The following GRAMD2B variants were observed in gnomAD, a reference collection of about 807,000 sequenced individuals.
GRAMD2B encodes the protein GRAM domain-containing protein 2B.
Under a neutral mutation model 59.2 loss-of-function variants are expected in GRAMD2B, and 41 were observed. That is an observed-to-expected ratio of 0.69 (90% CI 0.54 to 0.90). The LOEUF (loss-of-function observed/expected upper bound fraction) is 0.90, where lower values mean the gene tolerates loss of function less well. GRAMD2B is among the 40% of genes least tolerant of loss of function. GRAMD2B has a pLI of 0.00. For missense variants in GRAMD2B, 424 were observed against 500.5 expected, an observed-to-expected ratio of 0.85 and a Z score of 1.46; for synonymous variants, 161 against 182.7, an observed-to-expected ratio of 0.88 and a Z score of 0.96.
intron 1 of GRAMD2B, among the ~76,000 whole-genome samples, chr5:126,437,938 T>C (rs1397484782): frequency 1.3e-5 from 2 of 152,098 alleles, no homozygotes; most frequent in East Asian, 3.9e-4. Flanking sequence ...ACATAATCCC[T>C]CACTGTCAGT....
chr5:126,376,666 G>A (rs945325283), intron 1 of GRAMD2B, among the ~76,000 whole-genome samples: 1 of 152,218 alleles, frequency 6.6e-6, no homozygotes, highest in African/African-American at 2.4e-5. Flanking sequence ...AGACTGCTAT[G>A]TAGAGGCTGG....
intron 1 of GRAMD2B, among the ~76,000 whole-genome samples, chr5:126,406,512 C>T (rs1465361598): frequency 6.6e-6 from 1 of 151,816 alleles, no homozygotes; most frequent in African/African-American, 2.4e-5. Context: ...CCTAAAAGTC[C>T]TCTACCCCCT....
chr5:126,411,727 A>G (rs1327082562), intron 1 of GRAMD2B, among the ~76,000 whole-genome samples: 1 of 152,024 alleles, frequency 6.6e-6, no homozygotes. Flanking sequence ...GATTTTTCCA[A>G]TCCATGAACA....
chr5:126,478,185 C>T (rs1771017164), intron 6 of GRAMD2B, among the ~76,000 whole-genome samples: 1 of 148,564 alleles, frequency 6.7e-6, no homozygotes, highest in South Asian at 2.1e-4. Flanking sequence ...AATTCCAGCA[C>T]TTTGGGAGGC....
chr5:126,364,099 T>C (rs1333825797), intron 1 of GRAMD2B, among the ~76,000 whole-genome samples: 1 of 152,254 alleles, frequency 6.6e-6, no homozygotes, highest in South Asian at 2.1e-4. Flanking sequence ...ATCCTTATTA[T>C]GTTCAAGGCA....
intron 1 of GRAMD2B, among the ~76,000 whole-genome samples, chr5:126,400,405 G>A (rs1378898800): frequency 1.3e-5 from 2 of 151,978 alleles, no homozygotes; most frequent in African/African-American, 4.8e-5. Context: ...TTAATATCAT[G>A]TATCTATTAA....
At chr5:126,485,031 C>T (rs74437085) in intron 10 of GRAMD2B, among the ~76,000 whole-genome samples, 3,175 of 152,202 alleles carry the variant, frequency 0.021, 108 homozygotes, top group African/African-American at 0.072. Flanking sequence ...AAGTGAATAG[C>T]CTTCATGGAG....
At position 126,434,308 on chromosome 5, in the gene GRAMD2B, A is replaced by AT. The variant is rs546978280; in HGVS notation, c.83+10626dup. On this transcript the variant is annotated intron_variant, in intron 1 of 13. Transcript: ENST00000285689. ...ATAAATTACTTTTAAATTAAAAATTATTTTTTTAAATGTCCATGAGCTTAG... is the reference window on the plus strand; with the variant it reads ...ATAAATTACTTTTAAATTAAAAATTATTTTTTTTAAATGTCCATGAGCTTAG... 1.1e-3 allele frequency among the ~76,000 whole-genome samples: 166 copies of AT among 152,182 alleles called. 2 individuals carry two copies. In the East Asian group the frequency reaches 0.025, roughly 23 times the overall value.
chr5:126,371,312 C>A, upstream of GRAMD2B: 1 of 1,131,184 alleles, frequency 8.8e-7, no homozygotes, highest in African/African-American at 1.6e-5. Flanking sequence ...TAGATTGAGT[C>A]ACATGAAGAA....
chr5:126,411,779 G>A (rs1758811847), intron 1 of GRAMD2B, among the ~76,000 whole-genome samples: 1 of 151,008 alleles, frequency 6.6e-6, no homozygotes, highest in South Asian at 2.1e-4. Flanking sequence ...ATGATTTCTT[G>A]TTGCAGTGTT....
rs79948805 is a variant in GRAMD2B at position 126,428,090 on chromosome 5, A to C, written c.83+4401A>C. ...TCTACTATAAATACAAAAATTAACC[A>C]GGCGTGATGGTTCATGCCTGTAATC... is the stretch of plus-strand genomic sequence containing the variant. On this transcript the variant is annotated intron_variant, in intron 1 of 13. Transcript: ENST00000285689. Among the ~76,000 whole-genome samples the C allele has an allele frequency of 1.0e-3, 155 of 152,180 alleles. 1 individual carries two copies. In the East Asian group the frequency reaches 0.023, roughly 23 times the overall value.
intron 1 of GRAMD2B, among the ~76,000 whole-genome samples, chr5:126,436,314 G>T (rs1310087172): frequency 6.6e-6 from 1 of 152,032 alleles, no homozygotes; most frequent in Non-Finnish European, 1.5e-5. Flanking sequence ...ACATTATACT[G>T]TGTTATAGTT....
Position 126,483,566 on chromosome 5 carries a change from A to C in GRAMD2B, c.839A>C (p.Asn280Thr). 1 of 1,593,990 alleles carries C rather than the reference A, an allele frequency of 6.3e-7. No homozygotes were observed. The highest frequency in any genetic ancestry group is 1.1e-5 in the South Asian group (1 of 90,324). ...GGTTCTCAAACTCCTGAATCTGAGA[A>C]CTCTCGAGGTTTGGGAAATTGTTGT... ...SSGSQTPESE[N>T]SRDFHATESQ... is the part of the protein sequence containing the mutation. Residue 280 changes from asparagine (N) to threonine (T), a missense_variant, in exon 9 of 14, where the codon AAC becomes ACC. Transcript: ENST00000285689.
intron 8 of GRAMD2B, 87 bp from the exon 9 acceptor site, chr5:126,483,376 G>C: frequency 1.3e-6 from 1 of 746,302 alleles, no homozygotes; most frequent in Non-Finnish European, 2.3e-6. Flanking sequence ...TATAGGTCAG[G>C]CCTAGGTGAA....
In GRAMD2B at chr5:126,465,459, G is replaced by T. The variant is rs1309046696; in HGVS notation, c.117G>T (p.Lys39Asn). 1 of 1,614,146 alleles carries T rather than the reference G, an allele frequency of 6.2e-7. No homozygotes were observed. Among genetic ancestry groups the T allele is most frequent in the Non-Finnish European group, 8.5e-7 (1 of 1,180,010 alleles). The change falls in exon 2 of 14, where the codon AAG (lysine) becomes AAT (asparagine). Residue 39 changes from lysine (K) to asparagine (N), a missense_variant. By Grantham distance (94) the Lys-to-Asn change is moderately conservative. Transcript: ENST00000285689. Reference protein sequence around the residue: ...SEAENGVEEKKKACRSPTAQS... With the variant: ...SEAENGVEEKNKACRSPTAQS... Reference sequence around the variant, plus strand: ...CTGAGAATGGTGTGGAGGAGAAAAAGAAAGCCTGCAGGTCGCCAACAGCCC... The same window carrying T: ...CTGAGAATGGTGTGGAGGAGAAAAATAAAGCCTGCAGGTCGCCAACAGCCC...
intron 12 of GRAMD2B, among the ~76,000 whole-genome samples, chr5:126,487,705 TC>T (rs778850169): frequency 3.9e-5 from 6 of 152,184 alleles, no homozygotes; most frequent in Non-Finnish European, 7.3e-5. Flanking sequence ...AGATGATTTT[TC>T]CTCATTATAT....
chr5:126,483,599 C>G, intron 9 of GRAMD2B, 25 bp downstream of exon 9: 2 of 1,336,376 alleles, frequency 1.5e-6, no homozygotes, highest in South Asian at 1.2e-5. Flanking sequence ...TGTATTTTGA[C>G]TAAAATTTAA....
upstream of GRAMD2B, chr5:126,423,038 C>T: frequency 2.6e-6 from 1 of 390,432 alleles, no homozygotes; most frequent in Non-Finnish European, 3.5e-6. Flanking sequence ...AGAGGCAGTC[C>T]CTCAATGAAG....
intron 1 of GRAMD2B, among the ~76,000 whole-genome samples, chr5:126,440,332 C>T (rs1763081527): frequency 6.6e-6 from 1 of 152,170 alleles, no homozygotes. Flanking sequence ...CAGTGACTCT[C>T]TTGAGAAAAC....
Sources: allele counts gnomAD v4.1 joint callset (sites outside exome capture counted in the v4.1 genomes callset), GRCh38; gene constraint gnomAD v4.1.1; transcripts MANE v1.5; gene names NCBI Gene and HGNC (gene_info 2026-07-23, HGNC 2026-07-21).